Variants in NHLH2 observed in about 807,000 individuals in gnomAD.
NHLH2 encodes the protein helix-loop-helix protein 2.
A neutral mutation model predicts 7.3 loss-of-function variants in NHLH2; 7 were observed. The observed-to-expected ratio is 0.96, with a 90% CI of 0.55 to 1.81. The LOEUF (loss-of-function observed/expected upper bound fraction) is 1.81, where lower values mean the gene tolerates loss of function less well. Among genes scored for constraint, NHLH2 ranks in the 40% most tolerant of loss-of-function variants. The probability of loss-of-function intolerance (pLI) is 0.00; values close to 1 mark genes in which losing one functional copy is unlikely to be tolerated. For synonymous variants in NHLH2, 93 were observed against 91.6 expected (o/e 1.01, Z -0.09); for missense variants, 155 against 194.0 (o/e 0.80, Z 1.19).
chr1:115,833,924 G>C (rs910906710), downstream of NHLH2, among the ~76,000 whole-genome samples: 1 of 152,170 alleles, frequency 6.6e-6, no homozygotes, highest in African/African-American at 2.4e-5. Context: ...ATAAATCACA[G>C]CATCACAGAG....
At chr1:115,834,101 C>T (rs1650812732), downstream of NHLH2, among the ~76,000 whole-genome samples, 1 of 152,244 alleles carries the variant, frequency 6.6e-6, no homozygotes, top group African/African-American at 2.4e-5. Context: ...ATTCCTCTCT[C>T]CTCAGTCGGC....
chr1:115,838,478 G>C, intron 2 of NHLH2, 98 bp from the exon 3 acceptor site: 8 of 1,390,310 alleles, frequency 5.8e-6, no homozygotes, highest in Non-Finnish European at 6.0e-6. Flanking sequence ...CCCAGCGGAC[G>C]CGCGGCCCGG....
intron 2 of NHLH2, 59 bp downstream of exon 2, chr1:115,840,157 T>G (rs2811568): frequency 6.0e-6 from 1 of 167,002 alleles, no homozygotes; most frequent in Non-Finnish European, 1.5e-5. Context: ...CATCTATAGA[T>G]ACAGTATGAA....
At chr1:115,839,988 A>G (rs1292232482) in intron 2 of NHLH2, 2 of 167,034 alleles carry the variant, frequency 1.2e-5, no homozygotes, top group Non-Finnish European at 2.9e-5. Context: ...AAATAAATAG[A>G]CGAGTAATGG....
At chr1:115,839,437 C>T (rs1650994447) in intron 2 of NHLH2, 2 of 166,974 alleles carry the variant, frequency 1.2e-5, no homozygotes, top group African/African-American at 2.4e-5. Flanking sequence ...CATGTCGGTG[C>T]TTAGCCTTCC....
At chr1:115,833,222 G>T (rs984371283), downstream of NHLH2, among the ~76,000 whole-genome samples, 1 of 152,146 alleles carries the variant, frequency 6.6e-6, no homozygotes, top group Admixed American at 6.5e-5. Context: ...GTGCCCTGGT[G>T]GGGGAGTTGT....
At chr1:115,834,044 C>T (rs1570904516), downstream of NHLH2, among the ~76,000 whole-genome samples, 1 of 152,184 alleles carries the variant, frequency 6.6e-6, no homozygotes, top group African/African-American at 2.4e-5. Context: ...AGCGGGTATT[C>T]CCTCCAGAGT....
intron 1 of NHLH2, 124 bp from the exon 2 acceptor site, chr1:115,840,668 T>C (rs1171265218): frequency 1.2e-5 from 2 of 166,550 alleles, no homozygotes; most frequent in African/African-American, 4.8e-5. Context: ...TCCTATCGTA[T>C]GCCTTTCTTT....
chr1:115,834,767 G>GCTTT (rs1191240880), downstream of NHLH2, among the ~76,000 whole-genome samples: 1 of 152,168 alleles, frequency 6.6e-6, no homozygotes, highest in Non-Finnish European at 1.5e-5. Context: ...TCAGTGTACT[G>GCTTT]CTTTTCTCCA....
chr1:115,838,171 TCTC>T lies in NHLH2; in HGVS notation c.199_201del (p.Glu67del). The T allele has an allele frequency of 1.9e-6, 3 of 1,579,348 alleles. No homozygotes were observed. Among genetic ancestry groups the T allele is most frequent in the Non-Finnish European group, 2.6e-6 (3 of 1,164,340 alleles). ...GCCGTGGCGCGCCGGCGGCGGCGCTTCTCCTCGCGGCTCAGCTGCTGCGGGTGC... is the reference window on the plus strand; with the variant it reads ...GCCGTGGCGCGCCGGCGGCGGCGCTTCTCGCGGCTCAGCTGCTGCGGGTGC... On this transcript the variant is annotated inframe_deletion, in exon 3 of 3. Coordinates refer to ENST00000320238, the MANE Select transcript of NHLH2 (RefSeq NM_005599.3).
downstream of NHLH2, among the ~76,000 whole-genome samples, chr1:115,833,093 C>G (rs916105289): frequency 2.0e-5 from 3 of 152,096 alleles, no homozygotes; most frequent in African/African-American, 7.2e-5. Flanking sequence ...AATGGACATT[C>G]ACGAAGGAGG....
intron 2 of NHLH2, chr1:115,839,947 T>G (rs1390730690): frequency 6.0e-6 from 1 of 166,966 alleles, no homozygotes; most frequent in Non-Finnish European, 1.5e-5. Flanking sequence ...GTAGAACAAC[T>G]TGCACCTACA....
In NHLH2 at chr1:115,838,142, C is replaced by T. The variant is rs762636547; in HGVS notation, c.231G>A (p.Lys77=). 6.3e-7 allele frequency: 1 copy of T among 1,598,404 alleles called. No individual in the cohort carries two copies. The highest frequency in any genetic ancestry group is 1.4e-5 in the African/African-American group (1 of 73,582). ...EKRRRRRATA[K]YRSAHATRER... The stretch of plus-strand genomic sequence containing the variant: ...CGCGGGTGGCGTGGGCCGAGCGGTA[C>T]TTGGCCGTGGCGCGCCGGCGGCGGC... Residue 77 remains lysine, a synonymous_variant, in exon 3 of 3, where the codon AAG becomes AAA. Transcript: ENST00000320238.
chr1:115,835,733 T>C (rs554045683), downstream of NHLH2, among the ~76,000 whole-genome samples: 61 of 152,358 alleles, frequency 4.0e-4, no homozygotes, highest in African/African-American at 1.4e-3. Context: ...TATGTACATA[T>C]AGTTTTTAAG....
chr1:115,838,580 G>C, intron 2 of NHLH2, 200 bp from the exon 3 acceptor site: 1 of 508,710 alleles, frequency 2.0e-6, no homozygotes, highest in Non-Finnish European at 3.4e-6. Context: ...GCCCTGGCGC[G>C]GGAGCCGGCG....
At chr1:115,834,274 A>C (rs1650815808), downstream of NHLH2, among the ~76,000 whole-genome samples, 1 of 152,240 alleles carries the variant, frequency 6.6e-6, no homozygotes, top group Non-Finnish European at 1.5e-5. Flanking sequence ...TATTCAGCAC[A>C]GGCAGTCTTG....
At position 115,841,025 on chromosome 1, in the gene NHLH2, T is replaced by A. The variant is rs1651063530; in HGVS notation, c.-415A>T. 6.0e-6 allele frequency: 1 copy of A among 166,534 alleles called. No homozygotes were observed. Among genetic ancestry groups the A allele is most frequent in the South Asian group, 2.1e-4 (1 of 4,790 alleles). The allele number at this position is 166,534 out of a possible 1,614,324, so 10.3% of individuals were successfully genotyped here. A position where few individuals can be genotyped will look rare whatever the true frequency, so the allele number is the denominator to read the frequency against. On this transcript the variant is annotated 5_prime_UTR_variant, in exon 1 of 3. Coordinates refer to ENST00000320238, the MANE Select transcript of NHLH2 (RefSeq NM_005599.3). ...GGTGAAAAGTGAACGTCTCCTGGAG[T>A]AACAGTGACAAGGAAGCAGAGAAAG...
At chr1:115,835,129 C>G (rs1329438909), downstream of NHLH2, among the ~76,000 whole-genome samples, 1 of 152,130 alleles carries the variant, frequency 6.6e-6, no homozygotes, top group Admixed American at 6.5e-5. Flanking sequence ...GCCCTTTGTC[C>G]AAATCCCAAG....
chr1:115,836,213 G>A (rs563745624), downstream of NHLH2, among the ~76,000 whole-genome samples: 28 of 152,210 alleles, frequency 1.8e-4, no homozygotes, highest in South Asian at 8.3e-4. Context: ...ACTGATCCAC[G>A]TCCAAATTTG....
Sources: gnomAD v4.1 joint callset for allele counts (sites outside exome capture counted in the v4.1 genomes callset) on GRCh38, gnomAD v4.1.1 for gene constraint, MANE v1.5 for transcripts, NCBI Gene and HGNC (gene_info 2026-07-23, HGNC 2026-07-21) for gene names.